SH3TC2: variants seen among roughly 807,000 people sequenced by gnomAD.
The protein encoded by SH3TC2 is SH3 domain and tetratricopeptide repeat-containing protein 2.
A neutral mutation model predicts 124.5 loss-of-function variants in SH3TC2; 87 were observed. The observed-to-expected ratio is 0.70, with a 90% CI of 0.59 to 0.84. SH3TC2 has a LOEUF of 0.84. SH3TC2 is among the 40% of genes least tolerant of loss of function. SH3TC2 has a pLI of 0.00. For synonymous variants in SH3TC2, 634 were observed against 628.5 expected, an observed-to-expected ratio of 1.01 and a Z score of -0.13; for missense variants, 1,536 against 1,566.4, an observed-to-expected ratio of 0.98 and a Z score of 0.33.
In SH3TC2 at chr5:149,038,429, G is replaced by C. The variant is rs1201720478; in HGVS notation, c.867C>G (p.Phe289Leu). ...YEPGEKDELN[F>L]YQGESIEIIG... ...TGATCTCAATGCTTTCTCCCTGGTA[G>C]AAATTCAGTTCATCCTTTTCTCCTG... Residue 289 changes from phenylalanine (F) to leucine (L), a missense_variant, in exon 8 of 17, where the codon TTC (phenylalanine) becomes TTG (leucine). Phe to Leu is a conservative substitution (Grantham distance 22). Coordinates refer to ENST00000515425, the MANE Select transcript of SH3TC2 (RefSeq NM_024577.4). 1.2e-6 allele frequency: 2 copies of C among 1,614,054 alleles called. No homozygotes were observed. The highest frequency in any genetic ancestry group is 4.5e-5 in the East Asian group (2 of 44,890).
chr5:149,017,365 G>A (rs1178226784), intron 12 of SH3TC2, among the ~76,000 whole-genome samples: 1 of 152,166 alleles, frequency 6.6e-6, no homozygotes, highest in Non-Finnish European at 1.5e-5. Context: ...CCCATTGAGA[G>A]ACTGCAAACC....
At position 148,992,602 on chromosome 5, in the gene SH3TC2, T is replaced by TTG. The variant is rs1753437434; in HGVS notation, c.*12108_*12109insCA. Among the ~76,000 whole-genome samples, 1 of 40,256 alleles carries TTG rather than the reference T, an allele frequency of 2.5e-5. No individual in the cohort carries two copies. The allele number at this position is 40,256 out of a possible 152,430, so 26.4% of individuals were successfully genotyped here. On this transcript the variant is annotated 3_prime_UTR_variant, in exon 17 of 17. Coordinates refer to ENST00000515425, the MANE Select transcript of SH3TC2 (RefSeq NM_024577.4). ...AATTCCAAGAAGAGATTTCATTGGT[T>TTG]TTTTTTTTTTTTTTTTTTTTCAGAT...
intron 8 of SH3TC2, among the ~76,000 whole-genome samples, chr5:149,038,040 C>T (rs1257816133): frequency 1.3e-5 from 2 of 152,218 alleles, no homozygotes; most frequent in Non-Finnish European, 2.9e-5. Flanking sequence ...TGCCTAACAG[C>T]ATGCCCTTTG....
chr5:148,988,024 G>A lies in SH3TC2; in HGVS notation c.*16687C>T, dbSNP rs970200536. ...TGCACCTCCTCTGGCCAAGGACAGA[G>A]AGTCATATCATCTGCCCACTTGGAG... On this transcript the variant is annotated 3_prime_UTR_variant, in exon 17 of 17. Transcript: ENST00000515425. 6.6e-6 allele frequency among the ~76,000 whole-genome samples: 1 copy of A among 152,156 alleles called. No homozygotes were observed. Among genetic ancestry groups the A allele is most frequent in the African/African-American group, 2.4e-5 (1 of 41,428 alleles).
intron 12 of SH3TC2, among the ~76,000 whole-genome samples, chr5:149,020,113 A>AACACACACACACACACACACACAC (rs56088659): frequency 8.8e-5 from 13 of 146,910 alleles, no homozygotes; most frequent in African/African-American, 3.1e-4. Context: ...GAAAAGGTCA[A>AACACACACACACACACACACACAC]ACACACACAC....
intron 6 of SH3TC2, 103 bp downstream of exon 6, chr5:149,041,313 C>A: frequency 8.1e-7 from 1 of 1,231,108 alleles, no homozygotes; most frequent in Non-Finnish European, 1.2e-6. Context: ...TCTGTTCTCT[C>A]CTCCACACTA....
intron 2 of SH3TC2, 36 bp downstream of exon 2, chr5:149,052,106 A>G: frequency 7.1e-7 from 1 of 1,410,268 alleles, no homozygotes; most frequent in Non-Finnish European, 1.0e-6. Context: ...AATACTCAAC[A>G]TGGAAGAATA....
At chr5:149,007,409 T>A (rs1753709200) in intron 15 of SH3TC2, 1 of 571,026 alleles carries the variant, frequency 1.8e-6, no homozygotes, top group African/African-American at 1.9e-5. Flanking sequence ...TTATTGCAGA[T>A]GCTACTGTAA....
rs367600458 is a variant in SH3TC2, at chr5:148,982,501, C to G, written c.*22210G>C. Among the ~76,000 whole-genome samples, 166 of 152,270 alleles carry G rather than the reference C, an allele frequency of 1.1e-3. No individual in the cohort carries two copies. The highest frequency in any genetic ancestry group is 3.8e-3 in the African/African-American group (158 of 41,552). On this transcript the variant is annotated 3_prime_UTR_variant, in exon 17 of 17. Transcript: ENST00000515425. The stretch of plus-strand genomic sequence containing the variant: ...ATCAAAAATAACCAAATTGACACCA[C>G]TAGAGAACCAGCTAAATAAACTGTT...
At position 149,004,834 on chromosome 5, in the gene SH3TC2, C is replaced by T. The variant is rs1351106560; in HGVS notation, c.3744G>A (p.Glu1248=). The T allele has an allele frequency of 1.2e-6, 2 of 1,614,152 alleles. No homozygotes were observed. ...LAAAVLLGDE[E]LQDTIRSRLD... ...GCCTGCTCCTAATGGTGTCCTGAAGCTCCTCATCACCCAGCAGGACCGCTG... is the reference window on the plus strand; with the variant it reads ...GCCTGCTCCTAATGGTGTCCTGAAGTTCCTCATCACCCAGCAGGACCGCTG... Residue 1248 remains glutamate, a synonymous_variant, in exon 17 of 17, where the codon GAG becomes GAA. Coordinates refer to ENST00000515425, the MANE Select transcript of SH3TC2 (RefSeq NM_024577.4).
intron 13 of SH3TC2, among the ~76,000 whole-genome samples, chr5:149,011,854 T>A (rs140703852): frequency 3.1e-3 from 473 of 152,370 alleles, no homozygotes; most frequent in Non-Finnish European, 5.1e-3. Context: ...ATCGATATTG[T>A]ACAGATAGTA....
At position 148,982,232 on chromosome 5, in the gene SH3TC2, A is replaced by G. The variant is rs1208922399; in HGVS notation, c.*22479T>C. Among the ~76,000 whole-genome samples the G allele has an allele frequency of 1.3e-5, 2 of 152,186 alleles. No individual in the cohort carries two copies. Among genetic ancestry groups the G allele is most frequent in the East Asian group, 1.9e-4 (1 of 5,194 alleles). ...TCACAACTATTAAACACTCAAAGAC[A>G]ACATTAGTAACTGGCTGTGTTGGGG... On this transcript the variant is annotated 3_prime_UTR_variant, in exon 17 of 17. Coordinates refer to ENST00000515425, the MANE Select transcript of SH3TC2 (RefSeq NM_024577.4).
At chr5:149,050,084 A>T (rs1754531024) in intron 2 of SH3TC2, among the ~76,000 whole-genome samples, 1 of 152,166 alleles carries the variant, frequency 6.6e-6, no homozygotes, top group Non-Finnish European at 1.5e-5. Flanking sequence ...ATTTGGTGTG[A>T]ATCTCCTTAC....
At chr5:149,056,603 C>T (rs1335637310) in intron 1 of SH3TC2, among the ~76,000 whole-genome samples, 1 of 152,096 alleles carries the variant, frequency 6.6e-6, no homozygotes, top group African/African-American at 2.4e-5. Context: ...TTAATTAGCA[C>T]TTTGGGTATT....
In SH3TC2 at chr5:149,031,583, C is replaced by G. The variant is rs551803988; in HGVS notation, c.1106G>C (p.Arg369Pro). 1 of 1,613,986 alleles carries G rather than the reference C, an allele frequency of 6.2e-7. No homozygotes were observed. Among genetic ancestry groups the G allele is most frequent in the Non-Finnish European group, 8.5e-7 (1 of 1,180,020 alleles). Residue 369 changes from arginine (R) to proline (P), a missense_variant, in exon 9 of 17, where the codon CGC becomes CCC. Arg to Pro is a moderately radical substitution (Grantham distance 103). Transcript: ENST00000515425. The stretch of plus-strand genomic sequence containing the variant: ...CCGGTAGACAGATGTGATGTCAGTG[C>G]GAGCAAGAGTGTGGAGGAAGCTGGA... ...ECSSFLHTLA[R>P]TDITSVYRLS...
In SH3TC2 at chr5:148,988,238, C is replaced by G. The variant is rs559757049; in HGVS notation, c.*16473G>C. ...GCATCTTTACTCCTTCTCCCATGGA[C>G]ATGAAAATCATTATCAAAAATCCTA... On this transcript the variant is annotated 3_prime_UTR_variant, in exon 17 of 17. Transcript: ENST00000515425. 6.6e-6 allele frequency among the ~76,000 whole-genome samples: 1 copy of G among 152,304 alleles called. No homozygotes were observed. Among genetic ancestry groups the G allele is most frequent in the South Asian group, 2.1e-4 (1 of 4,826 alleles).
chr5:149,026,301 T>C, intron 12 of SH3TC2: 1 of 502,740 alleles, frequency 2.0e-6, no homozygotes, highest in Non-Finnish European at 3.6e-6. Flanking sequence ...CATTAACTCA[T>C]TTATCCTTCA....
Position 149,026,561 on chromosome 5 carries a change from C to A in SH3TC2, c.3053+11G>T. ...AAGCTGCTTCTAGGACAGTTCCTGA[C>A]CCTGACTCACCTGGCGGTATTTAGG... On this transcript the variant is annotated intron_variant, in intron 12 of 16. Coordinates refer to ENST00000515425, the MANE Select transcript of SH3TC2 (RefSeq NM_024577.4). 6.2e-7 allele frequency: 1 copy of A among 1,613,526 alleles called. No homozygotes were observed. The highest frequency in any genetic ancestry group is 8.5e-7 in the Non-Finnish European group (1 of 1,180,022).
At chr5:149,062,722 C>T (rs187711140) in intron 1 of SH3TC2, among the ~76,000 whole-genome samples, 201 of 152,334 alleles carry the variant, frequency 1.3e-3, no homozygotes, top group African/African-American at 4.7e-3. Flanking sequence ...AGCAGTGCTG[C>T]TCAGCTCCTG....
Sources: gnomAD v4.1 joint callset for allele counts (sites outside exome capture counted in the v4.1 genomes callset) on GRCh38, gnomAD v4.1.1 for gene constraint, MANE v1.5 for transcripts, NCBI Gene and HGNC (gene_info 2026-07-23, HGNC 2026-07-21) for gene names.